The following KIF16B variants were observed in gnomAD, a reference collection of about 807,000 sequenced individuals.
The protein encoded by KIF16B is kinesin-like protein KIF16B.
In KIF16B, 98 loss-of-function variants were observed where a neutral mutation model predicts 156.3. The ratio of observed to expected loss-of-function variants is 0.63; its 90% CI spans 0.53 to 0.74. KIF16B has a LOEUF of 0.74. KIF16B is among the 30% of genes least tolerant of loss of function. The pLI is 0.00. For missense variants in KIF16B, 1,421 were observed against 1,606.5 expected, an observed-to-expected ratio of 0.88 and a Z score of 1.97; for synonymous variants, 564 against 583.7, an observed-to-expected ratio of 0.97 and a Z score of 0.49.
chr20:16,327,013 A>ATGTGTG (rs566936326), intron 24 of KIF16B, among the ~76,000 whole-genome samples: 2 of 148,790 alleles, frequency 1.3e-5, no homozygotes, highest in Admixed American at 1.4e-4. Context: ...GTATGCATAT[A>ATGTGTG]TGTGTGTGTA....
intron 25 of KIF16B, among the ~76,000 whole-genome samples, chr20:16,295,356 T>C (rs1194489636): frequency 1.3e-5 from 2 of 152,180 alleles, no homozygotes; most frequent in Admixed American, 6.5e-5. Flanking sequence ...TGTATTCTAC[T>C]GCATAACAAT....
intron 23 of KIF16B, among the ~76,000 whole-genome samples, chr20:16,344,506 C>A (rs754366865): frequency 3.3e-5 from 5 of 152,158 alleles, no homozygotes; most frequent in Non-Finnish European, 7.4e-5. Flanking sequence ...GGATCAATTA[C>A]AGAGGCCGGA....
chr20:16,460,556 C>T (rs951228889), intron 12 of KIF16B, among the ~76,000 whole-genome samples: 5 of 151,024 alleles, frequency 3.3e-5, no homozygotes, highest in South Asian at 4.2e-4. Flanking sequence ...CAGGAGACTC[C>T]GTCTCCAAAA....
intron 12 of KIF16B, among the ~76,000 whole-genome samples, chr20:16,461,176 A>G (rs2067336714): frequency 6.6e-6 from 1 of 152,056 alleles, no homozygotes; most frequent in Non-Finnish European, 1.5e-5. Flanking sequence ...AAAAAAGGCA[A>G]AACCTTTGAT....
intron 20 of KIF16B, among the ~76,000 whole-genome samples, chr20:16,372,080 G>A (rs983537785): frequency 6.6e-6 from 1 of 152,214 alleles, no homozygotes; most frequent in African/African-American, 2.4e-5. Flanking sequence ...ACTGGCTTCA[G>A]AAGGCTCTGC....
chr20:16,335,440 T>C (rs2064018739), intron 24 of KIF16B, among the ~76,000 whole-genome samples: 1 of 152,258 alleles, frequency 6.6e-6, no homozygotes, highest in Non-Finnish European at 1.5e-5. Context: ...TTCTGCATTT[T>C]CTATCTACCT....
chr20:16,311,423 G>T (rs1447063548), intron 25 of KIF16B, among the ~76,000 whole-genome samples: 1 of 152,198 alleles, frequency 6.6e-6, no homozygotes, highest in Non-Finnish European at 1.5e-5. Flanking sequence ...GAGGGGTGGA[G>T]GTTGCAGTGA....
intron 17 of KIF16B, among the ~76,000 whole-genome samples, chr20:16,383,773 T>A (rs1352127682): frequency 6.6e-6 from 1 of 152,232 alleles, no homozygotes; most frequent in Non-Finnish European, 1.5e-5. Context: ...AATGGAATGA[T>A]CTGTACTCTT....
In KIF16B at chr20:16,395,944, G is replaced by A. The variant is rs6135747; in HGVS notation, c.1784+8869C>T. On this transcript the variant is annotated intron_variant, in intron 17 of 25. Coordinates refer to ENST00000354981, the MANE Select transcript of KIF16B (RefSeq NM_024704.5). ...GTAAAATAATTTGTGAACATGCATC[G>A]AGAGCCTTAAAACTATATGTACTCT... Among the ~76,000 whole-genome samples the A allele has an allele frequency of 9.9e-5, 15 of 152,152 alleles. No homozygotes were observed. The East Asian group carries it at 1.5e-3, about 16-fold the overall frequency.
chr20:16,527,687 C>T (rs934934461), intron 2 of KIF16B, among the ~76,000 whole-genome samples: 6 of 152,106 alleles, frequency 3.9e-5, no homozygotes, highest in African/African-American at 1.2e-4. Flanking sequence ...AGTGATCCTC[C>T]CATCTCAGCC....
Position 16,368,404 on chromosome 20 carries a change from G to A in KIF16B, c.3498+2182C>T, listed in dbSNP as rs752573403. On this transcript the variant is annotated intron_variant, in intron 22 of 25. Transcript: ENST00000354981. ...ATGAGATTCTGTTGACTGCATGTCAGTCTTCAAGGGCATGTGTGGGGCTAA... is the reference window on the plus strand; with the variant it reads ...ATGAGATTCTGTTGACTGCATGTCAATCTTCAAGGGCATGTGTGGGGCTAA... 1.5e-5 allele frequency: 15 copies of A among 988,012 alleles called. No homozygotes were observed. In the East Asian group the frequency reaches 6.8e-4, roughly 45 times the overall value. 61.2% of individuals were successfully genotyped at this position (988,012 alleles called of 1,614,324 possible). A position where few individuals can be genotyped will look rare whatever the true frequency, so the allele number is the denominator to read the frequency against.
chr20:16,369,377 G>A, intron 22 of KIF16B: 4 of 809,438 alleles, frequency 4.9e-6, no homozygotes, highest in South Asian at 5.6e-5. Flanking sequence ...TAATTCAGAG[G>A]TTAAATAAAA....
intron 24 of KIF16B, among the ~76,000 whole-genome samples, chr20:16,327,000 T>C (rs1037223593): frequency 2.0e-5 from 3 of 150,592 alleles, no homozygotes; most frequent in African/African-American, 7.3e-5. Flanking sequence ...TGTATGTGTA[T>C]GTGTATGCAT....
Position 16,511,474 on chromosome 20 carries a change from G to A in KIF16B, c.500C>T (p.Ser167Phe). ...ACGGACTCTCAAATTGAAGGTTTTA[G>A]ATGACTTCCGCCGAAGTAGATCTCT... The part of the protein sequence containing the change: ...RVRDLLRRKS[S>F]KTFNLRVREH... Residue 167 changes from serine (S) to phenylalanine (F), a missense_variant, in exon 6 of 26, where the codon TCT (serine) becomes TTT (phenylalanine). Coordinates refer to ENST00000354981, the MANE Select transcript of KIF16B (RefSeq NM_024704.5). The A allele has an allele frequency of 6.2e-7, 1 of 1,612,986 alleles. No homozygotes were observed. Among genetic ancestry groups the A allele is most frequent in the South Asian group, 1.1e-5 (1 of 90,766 alleles).
chr20:16,506,076 C>CT lies in KIF16B; in HGVS notation c.813dup (p.Gly272ArgfsTer5). On this transcript the variant is annotated frameshift_variant, in exon 8 of 26. Transcript: ENST00000354981. LOFTEE classifies it high-confidence loss of function. ...ACGAGGGACTTGTTAATATTTCCCC[C>CT]TTCCTTTAGCCTAACCCCGGTGGCT... The CT allele has an allele frequency of 6.2e-7, 1 of 1,614,110 alleles. No homozygotes were observed. The highest frequency in any genetic ancestry group is 8.5e-7 in the Non-Finnish European group (1 of 1,180,002).
chr20:16,508,325 G>A (rs2068850684), intron 6 of KIF16B, among the ~76,000 whole-genome samples: 1 of 152,116 alleles, frequency 6.6e-6, no homozygotes, highest in African/African-American at 2.4e-5. Flanking sequence ...CATAGTTATG[G>A]ACAAACTGCT....
At chr20:16,524,499 T>G (rs150199273) in intron 3 of KIF16B, among the ~76,000 whole-genome samples, 234 of 152,294 alleles carry the variant, frequency 1.5e-3, no homozygotes, top group African/African-American at 5.4e-3. Flanking sequence ...CCAGTTAGAA[T>G]GGCGATCATT....
At chr20:16,399,542 T>C (rs1370335936) in intron 17 of KIF16B, among the ~76,000 whole-genome samples, 1 of 152,222 alleles carries the variant, frequency 6.6e-6, no homozygotes, top group Non-Finnish European at 1.5e-5. Context: ...ACATCTATTT[T>C]ATTCAACAGG....
At chr20:16,551,954 G>T (rs986242396) in intron 1 of KIF16B, among the ~76,000 whole-genome samples, 1 of 152,190 alleles carries the variant, frequency 6.6e-6, no homozygotes, top group African/African-American at 2.4e-5. Context: ...TGGGGGCGCG[G>T]AGCTAACATA....
Sources: gnomAD v4.1 joint callset for allele counts (sites outside exome capture counted in the v4.1 genomes callset) on GRCh38, gnomAD v4.1.1 for gene constraint, MANE v1.5 for transcripts, NCBI Gene and HGNC (gene_info 2026-07-23, HGNC 2026-07-21) for gene names.